RCAN1: variants seen among roughly 807,000 people sequenced by gnomAD.
RCAN1 encodes regulator of calcineurin 1, also known as calcipressin-1.
In RCAN1, 11 loss-of-function variants were observed where a neutral mutation model predicts 22.9. The ratio of observed to expected loss-of-function variants is 0.48; its 90% confidence interval spans 0.30 to 0.79. The LOEUF (loss-of-function observed/expected upper bound fraction) is 0.79, where lower values mean the gene tolerates loss of function less well. Among genes scored for constraint, RCAN1 ranks in the 30% least tolerant of loss-of-function variants. The pLI, the probability that RCAN1 is intolerant of heterozygous loss-of-function variation, is 0.06. For missense variants in RCAN1, 291 were observed against 337.8 expected, an observed-to-expected ratio of 0.86 and a Z score of 1.09; for synonymous variants, 136 against 142.3, an observed-to-expected ratio of 0.96 and a Z score of 0.32.
intron 1 of RCAN1, among the ~76,000 whole-genome samples, chr21:34,579,793 C>T (rs1228527218): frequency 6.6e-6 from 1 of 152,170 alleles, no homozygotes; most frequent in Non-Finnish European, 1.5e-5. Context: ...AACTGAAACA[C>T]AGTACCAGCC....
At chr21:34,544,735 C>A (rs780018771) in intron 1 of RCAN1, among the ~76,000 whole-genome samples, 2 of 152,194 alleles carry the variant, frequency 1.3e-5, no homozygotes, top group African/African-American at 4.8e-5. Context: ...GACTGCTGGT[C>A]CCCAAGATAG....
At chr21:34,595,852 C>A (rs1298134001) in intron 1 of RCAN1, among the ~76,000 whole-genome samples, 1 of 152,210 alleles carries the variant, frequency 6.6e-6, no homozygotes, top group Non-Finnish European at 1.5e-5. Context: ...AAGCTGACCA[C>A]CCCCCGGCAG....
Position 34,614,214 on chromosome 21 carries a change from C to T in RCAN1, c.252+546G>A, listed in dbSNP as rs1988756948. 2.1e-5 allele frequency: 21 copies of T among 980,882 alleles called. No individual in the cohort carries two copies. Among genetic ancestry groups the T allele is most frequent in the Non-Finnish European group, 2.4e-5 (20 of 821,108 alleles). 60.8% of individuals were successfully genotyped at this position (980,882 alleles called of 1,614,324 possible). Reference sequence around the variant, plus strand: ...TAAAGGTCTGAAAGATGGTCCCCTTCCCCCCAACACAATTCCACCAAAACT... The same window carrying T: ...TAAAGGTCTGAAAGATGGTCCCCTTTCCCCCAACACAATTCCACCAAAACT... On this transcript the variant is annotated intron_variant, in intron 1 of 3. Transcript: ENST00000313806. This position sits in a 1 kb window ranked among gnomAD's most constrained non-coding sequence, Gnocchi z 6.0.
At chr21:34,571,930 C>T (rs750233100) in intron 1 of RCAN1, among the ~76,000 whole-genome samples, 61 of 152,274 alleles carry the variant, frequency 4.0e-4, no homozygotes, top group Non-Finnish European at 7.2e-4. Context: ...TACTTGCATG[C>T]CTATCAAAGA....
chr21:34,577,460 A>C (rs1177636547), intron 1 of RCAN1, among the ~76,000 whole-genome samples: 1 of 152,118 alleles, frequency 6.6e-6, no homozygotes, highest in Non-Finnish European at 1.5e-5. Context: ...TTGGTCAGGC[A>C]TGGTGGTGTG....
At chr21:34,545,828 T>C (rs1248396487) in intron 1 of RCAN1, among the ~76,000 whole-genome samples, 1 of 152,198 alleles carries the variant, frequency 6.6e-6, no homozygotes, top group East Asian at 1.9e-4. Flanking sequence ...TGGAGAATAA[T>C]GACCCCAGGC....
intron 1 of RCAN1, among the ~76,000 whole-genome samples, chr21:34,585,777 G>A (rs962314307): frequency 6.3e-4 from 95 of 149,990 alleles, no homozygotes; most frequent in African/African-American, 2.3e-3. Flanking sequence ...TAATTCAAAG[G>A]AAGATAAGAA....
intron 1 of RCAN1, among the ~76,000 whole-genome samples, chr21:34,597,660 G>A (rs755246431): frequency 2.6e-5 from 4 of 152,182 alleles, no homozygotes; most frequent in Non-Finnish European, 5.9e-5. Flanking sequence ...AAAGACTAGC[G>A]TGTTTCCATA....
chr21:34,550,434 T>C (rs920162303), intron 1 of RCAN1, among the ~76,000 whole-genome samples: 3 of 152,172 alleles, frequency 2.0e-5, no homozygotes, highest in Non-Finnish European at 2.9e-5. Context: ...CTAAGTTAAA[T>C]TGAGGCCATT....
At chr21:34,609,651 C>G (rs1322172280) in intron 1 of RCAN1, among the ~76,000 whole-genome samples, 1 of 152,120 alleles carries the variant, frequency 6.6e-6, no homozygotes, top group East Asian at 1.9e-4. Context: ...ATGTAATTGT[C>G]CTGAGGCTGG....
At position 34,521,512 on chromosome 21, in the gene RCAN1, G is replaced by A. The variant is rs1394657947; in HGVS notation, c.573C>T (p.Ser191=). Residue 191 remains serine (S), a synonymous_variant, in exon 3 of 4, where the codon TCC becomes TCT. Transcript: ENST00000313806. ...VINYDLLYAI[S]KLGPGEKYEL... ...GGCCCTGCTCACCTGGCCCCAGCTT[G>A]GAGATGGCATATAAGAGATCATAGT... is the stretch of plus-strand genomic sequence containing the variant. 2.5e-6 allele frequency: 4 copies of A among 1,614,072 alleles called. No individual in the cohort carries two copies. The highest frequency in any genetic ancestry group is 8.5e-7 in the Non-Finnish European group (1 of 1,180,050).
chr21:34,517,509 T>C lies in RCAN1; in HGVS notation c.*575A>G, dbSNP rs1175850900. The C allele has an allele frequency of 6.6e-6, 1 of 152,240 alleles. No homozygotes were observed. Among genetic ancestry groups the C allele is most frequent in the African/African-American group, 2.4e-5 (1 of 41,468 alleles). The allele number at this position is 152,240 out of a possible 1,614,324, so 9.4% of individuals were successfully genotyped here. On this transcript the variant is annotated 3_prime_UTR_variant, in exon 4 of 4. Coordinates refer to ENST00000313806, the MANE Select transcript of RCAN1 (RefSeq NM_004414.7). ...CGCTTTCCTGGCTTCCCAAAAGATG[T>C]AAAACAACAACGGTGTAACTTTATA... is the stretch of plus-strand genomic sequence containing the variant.
At chr21:34,567,118 T>A (rs1304672868) in intron 1 of RCAN1, among the ~76,000 whole-genome samples, 1 of 136,884 alleles carries the variant, frequency 7.3e-6, no homozygotes, top group Non-Finnish European at 1.6e-5. Flanking sequence ...AATCCTGCTG[T>A]GGTTCTATGT....
chr21:34,525,108 C>T (rs1292668135), intron 1 of RCAN1: 85 of 1,550,346 alleles, frequency 5.5e-5, no homozygotes, highest in Non-Finnish European at 7.0e-5. Context: ...CTATGGAAGG[C>T]GCAGTGTCTC....
chr21:34,518,589 C>T lies in RCAN1; in HGVS notation c.587-333G>A, dbSNP rs556026835. On this transcript the variant is annotated intron_variant, in intron 3 of 3. Coordinates refer to ENST00000313806, the MANE Select transcript of RCAN1 (RefSeq NM_004414.7). The surrounding 1 kb of genome is among the most constrained non-coding windows in gnomAD (Gnocchi z 4.2). ...AGAACTCCCTTTCTGTCAGCATTTC[C>T]TCAAGTGTGAATGTGAGAAACTTCG... 1.3e-5 allele frequency among the ~76,000 whole-genome samples: 2 copies of T among 152,330 alleles called. No individual in the cohort carries two copies. Among genetic ancestry groups the T allele is most frequent in the East Asian group, 3.9e-4 (2 of 5,184 alleles).
Position 34,517,792 on chromosome 21 carries a change from A to T in RCAN1, c.*292T>A. 2 of 376,320 alleles carry T rather than the reference A, an allele frequency of 5.3e-6. No individual in the cohort carries two copies. Among genetic ancestry groups the T allele is most frequent in the Non-Finnish European group, 9.7e-6 (2 of 207,180 alleles). 23.3% of individuals were successfully genotyped at this position (376,320 alleles called of 1,614,324 possible). ...AGACAGAACCTACCAGAAAAGAACA[A>T]GTACAAAACACTATCATTATCTGTT... On this transcript the variant is annotated 3_prime_UTR_variant, in exon 4 of 4. Transcript: ENST00000313806.
chr21:34,577,302 A>G (rs999470454), intron 1 of RCAN1, among the ~76,000 whole-genome samples: 1 of 152,226 alleles, frequency 6.6e-6, no homozygotes, highest in African/African-American at 2.4e-5. Flanking sequence ...ATAGGTTTTT[A>G]GAAAAATCGC....
chr21:34,533,090 A>G (rs951780168), intron 1 of RCAN1, among the ~76,000 whole-genome samples: 13 of 151,192 alleles, frequency 8.6e-5, no homozygotes, highest in African/African-American at 2.4e-4. Context: ...CCTCCCGAGT[A>G]GCTGGGACTA....
At chr21:34,557,143 G>T (rs7278572) in intron 1 of RCAN1, among the ~76,000 whole-genome samples, 13,229 of 152,172 alleles carry the variant, frequency 0.087, 768 homozygotes, top group Non-Finnish European at 0.12. Context: ...AACCCGGGAG[G>T]CGGAGGTTGC....
Sources: gnomAD v4.1 joint callset for allele counts (sites outside exome capture counted in the v4.1 genomes callset) on GRCh38, gnomAD v4.1.1 for gene constraint, Gnocchi (gnomAD v3.1) non-coding constraint, MANE v1.5 for transcripts, NCBI Gene and HGNC (gene_info 2026-07-23, HGNC 2026-07-21) for gene names.